The following TMEM38B variants were observed in gnomAD, a reference collection of about 807,000 sequenced individuals.
TMEM38B encodes trimeric intracellular cation channel type B.
In TMEM38B, 24 loss-of-function variants were observed where a neutral mutation model predicts 28.7. The ratio of observed to expected loss-of-function variants is 0.84; its 90% confidence interval spans 0.61 to 1.18. The LOEUF (loss-of-function observed/expected upper bound fraction) is 1.18. TMEM38B is among the 50% of genes most tolerant of loss of function. The pLI is 0.00. For missense variants in TMEM38B, 380 were observed against 350.9 expected, an observed-to-expected ratio of 1.08 and a Z score of -0.66; for synonymous variants, 131 against 127.7, an observed-to-expected ratio of 1.03 and a Z score of -0.17.
rs1184366559 is a variant in TMEM38B, at chr9:105,734,610, G to A, written c.542+11989G>A. Among the ~76,000 whole-genome samples the A allele has an allele frequency of 4.6e-5, 7 of 151,962 alleles. No homozygotes were observed. The South Asian group carries it at 1.5e-3, about 32-fold the overall frequency. ...TAATATTTGTTTTATATATTTAGTTGCTCCAATGTTGGGAACATATATATT... is the reference window on the plus strand; with the variant it reads ...TAATATTTGTTTTATATATTTAGTTACTCCAATGTTGGGAACATATATATT... On this transcript the variant is annotated intron_variant, in intron 4 of 5. Transcript: ENST00000374692.
chr9:105,773,850 A>G lies in TMEM38B; in HGVS notation c.661-15A>G. 6.3e-7 allele frequency: 1 copy of G among 1,590,740 alleles called. No homozygotes were observed. Among genetic ancestry groups the G allele is most frequent in the South Asian group, 1.1e-5 (1 of 87,208 alleles). On this transcript the variant is annotated splice_polypyrimidine_tract_variant and intron_variant, in intron 5 of 5. Transcript: ENST00000374692. ...CATTTGTATTTAAATTCAAAATTAA[A>G]CTTTTTTCCCCCAGATAACCATGAT...
chr9:105,705,676 A>C lies in TMEM38B; in HGVS notation c.192A>C (p.Leu64Phe). Residue 64 changes from leucine to phenylalanine, a missense_variant, in exon 2 of 6, where the codon TTA becomes TTC. Leu to Phe is a conservative substitution (Grantham distance 22). Transcript: ENST00000374692. ...TCCACTGTTTTGGTGGAGGAATTTT[A>C]TCCTGTCTACTGCTTGCAGAGCCTC... ...AMLHCFGGGILSCLLLAEPPL... is the reference protein window; with the variant it reads ...AMLHCFGGGIFSCLLLAEPPL... 6.2e-7 allele frequency: 1 copy of C among 1,614,018 alleles called. No homozygotes were observed. The highest frequency in any genetic ancestry group is 8.5e-7 in the Non-Finnish European group (1 of 1,180,024).
intron 5 of TMEM38B, among the ~76,000 whole-genome samples, chr9:105,764,326 G>C (rs1826268415): frequency 6.6e-6 from 1 of 152,234 alleles, no homozygotes; most frequent in East Asian, 1.9e-4. Flanking sequence ...TGTATATCTA[G>C]AAAACCCCAT....
chr9:105,765,112 T>C (rs1486567161), intron 5 of TMEM38B, among the ~76,000 whole-genome samples: 1 of 152,206 alleles, frequency 6.6e-6, no homozygotes, highest in Non-Finnish European at 1.5e-5. Flanking sequence ...GGCTATAAAA[T>C]TATTGGACCA....
At chr9:105,708,552 TGCAAAATACTC>T (rs1835765877) in intron 2 of TMEM38B, among the ~76,000 whole-genome samples, 1 of 152,196 alleles carries the variant, frequency 6.6e-6, no homozygotes, top group Non-Finnish European at 1.5e-5. Flanking sequence ...TGTAAAACCC[TGCAAAATACTC>T]GCTTTCACTT....
Position 105,774,176 on chromosome 9 carries a change from C to A in TMEM38B, c.*96C>A. 1 of 988,398 alleles carries A rather than the reference C, an allele frequency of 1.0e-6. No homozygotes were observed. Among genetic ancestry groups the A allele is most frequent in the Non-Finnish European group, 1.5e-6 (1 of 669,432 alleles). 61.2% of individuals were successfully genotyped at this position (988,398 alleles called of 1,614,324 possible). On this transcript the variant is annotated 3_prime_UTR_variant, in exon 6 of 6. Transcript: ENST00000374692. ...CTATGTATGTGATGTGAAATGAAGA[C>A]TATATATATGGAATGGAGGTGACAG...
At chr9:105,754,689 T>G (rs1356398428) in intron 5 of TMEM38B, among the ~76,000 whole-genome samples, 1 of 152,042 alleles carries the variant, frequency 6.6e-6, no homozygotes, top group Non-Finnish European at 1.5e-5. Flanking sequence ...AGATCTCAAG[T>G]TAACAACCTA....
chr9:105,704,663 C>T (rs1195765655), intron 1 of TMEM38B, among the ~76,000 whole-genome samples: 4 of 151,770 alleles, frequency 2.6e-5, no homozygotes, highest in South Asian at 2.1e-4. Flanking sequence ...CGGTGGCTCA[C>T]GCCTGTAATT....
At chr9:105,758,782 T>G (rs1344547278) in intron 5 of TMEM38B, 3 of 805,242 alleles carry the variant, frequency 3.7e-6, no homozygotes, top group Non-Finnish European at 4.3e-6. Context: ...AAGCATGGAT[T>G]ACATTTATCT....
At chr9:105,713,028 C>T (rs1285650017) in intron 2 of TMEM38B, among the ~76,000 whole-genome samples, 4 of 152,252 alleles carry the variant, frequency 2.6e-5, no homozygotes, top group Non-Finnish European at 5.9e-5. Context: ...GGCCCAGTGC[C>T]ATGCACCACG....
intron 4 of TMEM38B, among the ~76,000 whole-genome samples, chr9:105,736,727 C>T (rs1564402401): frequency 6.6e-6 from 1 of 152,214 alleles, no homozygotes; most frequent in African/African-American, 2.4e-5. Flanking sequence ...ATGGAACAAT[C>T]ACCTCTTCCA....
At chr9:105,758,233 G>T in intron 5 of TMEM38B, 1 of 661,144 alleles carries the variant, frequency 1.5e-6, no homozygotes. Flanking sequence ...AGGCGGGCAT[G>T]TATTATTCGT....
chr9:105,742,654 G>C (rs1164671640), intron 4 of TMEM38B, among the ~76,000 whole-genome samples: 1 of 152,088 alleles, frequency 6.6e-6, no homozygotes, highest in African/African-American at 2.4e-5. Flanking sequence ...TTGCCCCAGT[G>C]CATTTTCTAT....
At position 105,694,555 on chromosome 9, in the gene TMEM38B, C is replaced by A. The variant is rs1442189925; in HGVS notation, c.-106C>A. ...GGCGCACGCGCGGAGCTGGAGCCGGCGCGGAGGAGCGGGCGGCCGCGGCTG... is the reference window on the plus strand; with the variant it reads ...GGCGCACGCGCGGAGCTGGAGCCGGAGCGGAGGAGCGGGCGGCCGCGGCTG... On this transcript the variant is annotated 5_prime_UTR_variant, in exon 1 of 6. Coordinates refer to ENST00000374692, the MANE Select transcript of TMEM38B (RefSeq NM_018112.3). The A allele has an allele frequency of 2.7e-5, 20 of 744,958 alleles. No homozygotes were observed. The highest frequency in any genetic ancestry group is 2.1e-6 in the Non-Finnish European group (1 of 480,526). The allele number at this position is 744,958 out of a possible 1,614,324, so 46.1% of individuals were successfully genotyped here. A position where few individuals can be genotyped will look rare whatever the true frequency, so the allele number is the denominator to read the frequency against.
At chr9:105,734,418 T>C (rs1280203543) in intron 4 of TMEM38B, among the ~76,000 whole-genome samples, 1 of 152,132 alleles carries the variant, frequency 6.6e-6, no homozygotes, top group Admixed American at 6.6e-5. Flanking sequence ...TATTTTGCTG[T>C]TGTTGGATGG....
intron 4 of TMEM38B, among the ~76,000 whole-genome samples, chr9:105,727,021 G>T: frequency 6.6e-6 from 1 of 151,896 alleles, no homozygotes; most frequent in South Asian, 2.1e-4. Context: ...ACATTATACT[G>T]CTTCATATTC....
chr9:105,749,590 C>T (rs1342327000), intron 5 of TMEM38B, among the ~76,000 whole-genome samples: 2 of 152,004 alleles, frequency 1.3e-5, no homozygotes, highest in African/African-American at 4.8e-5. Flanking sequence ...TCATACAATG[C>T]ACTTAAACTG....
intron 5 of TMEM38B, among the ~76,000 whole-genome samples, chr9:105,757,560 C>T (rs888983424): frequency 3.9e-5 from 6 of 152,104 alleles, no homozygotes; most frequent in African/African-American, 1.2e-4. Context: ...AACACATCTA[C>T]ACCAATATTT....
intron 4 of TMEM38B, among the ~76,000 whole-genome samples, chr9:105,728,253 C>G (rs1836596630): frequency 6.6e-6 from 1 of 151,804 alleles, no homozygotes; most frequent in Admixed American, 6.6e-5. Context: ...GCCCCCCAGC[C>G]CCCAACAAGC....
Sources: allele counts gnomAD v4.1 joint callset (sites outside exome capture counted in the v4.1 genomes callset), GRCh38; gene constraint gnomAD v4.1.1; transcripts MANE v1.5; gene names NCBI Gene and HGNC (gene_info 2026-07-23, HGNC 2026-07-21).